MATCAP2: variants seen among roughly 807,000 people sequenced by gnomAD.
MATCAP2 encodes microtubule associated tyrosine carboxypeptidase 2.
At chr7:36,324,597 T>TGAC in the MATCAP2 span, 1 of 152,340 alleles carries the variant, frequency 6.6e-6, no homozygotes, top group South Asian at 2.1e-4. Flanking sequence ...GGAAAAAAAC[T>TGAC]GACCTTACTG....
At chr7:36,371,567 C>A in the MATCAP2 span, among the ~76,000 whole-genome samples, 1 of 151,882 alleles carries the variant, frequency 6.6e-6, no homozygotes, top group African/African-American at 2.4e-5. Context: ...AAAAGAAGAT[C>A]ATTTTCTTTT....
At chr7:36,373,110 A>T in the MATCAP2 span, among the ~76,000 whole-genome samples, 13 of 151,934 alleles carry the variant, frequency 8.6e-5, no homozygotes, top group African/African-American at 2.9e-4. Flanking sequence ...ATCTAAAAAA[A>T]AAAAAAAAAA....
At chr7:36,333,721 C>T in the MATCAP2 span, 4 of 743,182 alleles carry the variant, frequency 5.4e-6, no homozygotes, top group South Asian at 5.6e-5. Flanking sequence ...TTTGGGAAAA[C>T]CAGTTCTGAC....
At chr7:36,343,931 A>T in the MATCAP2 span, among the ~76,000 whole-genome samples, 1 of 152,202 alleles carries the variant, frequency 6.6e-6, no homozygotes, top group Non-Finnish European at 1.5e-5. Flanking sequence ...AGTAAAACTG[A>T]TCAGATGGCC....
the MATCAP2 span, chr7:36,383,957 G>A: frequency 7.6e-7 from 1 of 1,307,706 alleles, no homozygotes; most frequent in Middle Eastern, 1.9e-4. Context: ...TTGTGTTATT[G>A]TATTACTTTG....
At chr7:36,350,744 G>A in the MATCAP2 span, among the ~76,000 whole-genome samples, 3 of 152,010 alleles carry the variant, frequency 2.0e-5, no homozygotes, top group African/African-American at 7.3e-5. Flanking sequence ...GTTTCACTAG[G>A]CTGGCCAGGC....
At chr7:36,342,957 G>A in the MATCAP2 span, among the ~76,000 whole-genome samples, 1 of 152,090 alleles carries the variant, frequency 6.6e-6, no homozygotes, top group East Asian at 1.9e-4. Flanking sequence ...AGATACATGA[G>A]CTCTGTGAAG....
chr7:36,390,112 C>G, the MATCAP2 span: 1 of 1,609,912 alleles, frequency 6.2e-7, no homozygotes, highest in Non-Finnish European at 8.5e-7. Context: ...CTTCCTCTGT[C>G]AACCTCTGGG....
chr7:36,357,109 C>A, the MATCAP2 span: 11 of 1,614,192 alleles, frequency 6.8e-6, no homozygotes, highest in Non-Finnish European at 9.3e-6. Context: ...TTCTAGACAG[C>A]TGAGGCTTTG....
chr7:36,357,180 C>T, the MATCAP2 span: 1 of 1,614,156 alleles, frequency 6.2e-7, no homozygotes, highest in Non-Finnish European at 8.5e-7. Context: ...GGTGGCAGTA[C>T]TATGCCATTC....
At chr7:36,389,376 T>C in the MATCAP2 span, among the ~76,000 whole-genome samples, 1 of 151,596 alleles carries the variant, frequency 6.6e-6, no homozygotes, top group African/African-American at 2.4e-5. Flanking sequence ...TTTTTTTTCT[T>C]TTTTGAGGCA....
At chr7:36,375,044 G>A in the MATCAP2 span, among the ~76,000 whole-genome samples, 1 of 152,074 alleles carries the variant, frequency 6.6e-6, no homozygotes, top group African/African-American at 2.4e-5. Context: ...TAATCCTTTG[G>A]GTATATACCC....
chr7:36,368,011 C>G, the MATCAP2 span, among the ~76,000 whole-genome samples: 1 of 151,444 alleles, frequency 6.6e-6, no homozygotes, highest in Admixed American at 6.6e-5. Flanking sequence ...ATGTAGTGAG[C>G]CATGATCGCG....
chr7:36,351,455 A>T, the MATCAP2 span, among the ~76,000 whole-genome samples: 1 of 152,180 alleles, frequency 6.6e-6, no homozygotes, highest in Non-Finnish European at 1.5e-5. Flanking sequence ...GCTATGCCAT[A>T]GAGTGTTGTG....
chr7:36,389,740 C>A, the MATCAP2 span: 1 of 379,922 alleles, frequency 2.6e-6, no homozygotes. Flanking sequence ...CCCCTGGGAA[C>A]CACCCGGCCC....
At chr7:36,342,155 T>TA in the MATCAP2 span, among the ~76,000 whole-genome samples, 1 of 151,864 alleles carries the variant, frequency 6.6e-6, no homozygotes, top group South Asian at 2.1e-4. Context: ...TTTGGTGGAG[T>TA]ATAGTTTGTA....
the MATCAP2 span, among the ~76,000 whole-genome samples, chr7:36,364,692 A>G: frequency 6.6e-6 from 1 of 152,168 alleles, no homozygotes; most frequent in Admixed American, 6.5e-5. Flanking sequence ...ATGAATCGTG[A>G]GGGAATGACC....
the MATCAP2 span, among the ~76,000 whole-genome samples, chr7:36,373,734 C>T: frequency 1.3e-5 from 2 of 152,146 alleles, no homozygotes; most frequent in Admixed American, 1.3e-4. Flanking sequence ...AGTGAGCTAC[C>T]ACACCCAGCC....
chr7:36,365,593 G>A, the MATCAP2 span, among the ~76,000 whole-genome samples: 2 of 152,126 alleles, frequency 1.3e-5, no homozygotes, highest in Non-Finnish European at 2.9e-5. Flanking sequence ...CCAGCTACTC[G>A]GAGGCTGAGG....
Sources: allele counts gnomAD v4.1 joint callset (sites outside exome capture counted in the v4.1 genomes callset), GRCh38; gene constraint gnomAD v4.1.1; transcripts MANE v1.5; gene names NCBI Gene and HGNC (gene_info 2026-07-23, HGNC 2026-07-21).